Variants in NRXN3 observed in about 807,000 individuals in gnomAD.
NRXN3 encodes the protein neurexin 3, also known as neurexin III.
Under a neutral mutation model 137.6 loss-of-function variants are expected in NRXN3, and 32 were observed. That is an observed-to-expected ratio of 0.23 (90% CI 0.18 to 0.31). NRXN3 has a LOEUF of 0.31. Ranked by LOEUF, NRXN3 falls within the 10% of genes least tolerant of loss-of-function variation. The pLI is 1.00. For synonymous variants in NRXN3, 798 were observed against 784.5 expected (o/e 1.02, Z -0.29); for missense variants, 1,574 against 2,062.5 (o/e 0.76, Z 4.59).
Position 79,828,245 on chromosome 14 carries a change from G to T in NRXN3, c.4093+23055G>T, listed in dbSNP as rs184060496. On this transcript the variant is annotated intron_variant, in intron 20 of 20. Transcript: ENST00000335750. ...ATTCTCCGATCCTGTACTGCTCCTG[G>T]GAGGAAAGGGAGTGGGCTTTGTGAA... 9.9e-5 allele frequency among the ~76,000 whole-genome samples: 15 copies of T among 152,278 alleles called. No individual in the cohort carries two copies. The South Asian group carries it at 1.0e-3, about 11-fold the overall frequency.
chr14:78,969,855 G>GTGTA (rs2099430643), intron 14 of NRXN3, among the ~76,000 whole-genome samples: 1 of 144,980 alleles, frequency 6.9e-6, no homozygotes, highest in African/African-American at 2.6e-5. Flanking sequence ...GTGTGTGTGT[G>GTGTA]TATAAAGGGA....
At chr14:78,307,359 A>G (rs1470082864) in intron 4 of NRXN3, among the ~76,000 whole-genome samples, 1 of 152,138 alleles carries the variant, frequency 6.6e-6, no homozygotes, top group Non-Finnish European at 1.5e-5. Flanking sequence ...GTTTATTTTT[A>G]ATAAATACAT....
intron 1 of NRXN3, among the ~76,000 whole-genome samples, chr14:78,201,622 C>T (rs1050688034): frequency 3.9e-5 from 6 of 152,278 alleles, no homozygotes; most frequent in Middle Eastern, 3.4e-3. Context: ...GGGACTTCTA[C>T]GTCAGAGTGA....
intron 4 of NRXN3, among the ~76,000 whole-genome samples, chr14:78,475,731 G>C (rs1416314996): frequency 1.3e-5 from 2 of 152,192 alleles, no homozygotes; most frequent in African/African-American, 4.8e-5. Context: ...CAGACACAGA[G>C]CCAACAACAT....
chr14:78,780,834 C>G (rs762379837), intron 8 of NRXN3, among the ~76,000 whole-genome samples: 1 of 152,108 alleles, frequency 6.6e-6, no homozygotes, highest in Non-Finnish European at 1.5e-5. Flanking sequence ...GAACTAAGAG[C>G]TCTCATATCT....
chr14:79,148,427 T>A (rs975765215), intron 15 of NRXN3, among the ~76,000 whole-genome samples: 3 of 152,162 alleles, frequency 2.0e-5, no homozygotes, highest in African/African-American at 7.2e-5. Context: ...ATTGTAAGAT[T>A]ATTTCAGACT....
intron 15 of NRXN3, among the ~76,000 whole-genome samples, chr14:79,281,399 A>G (rs1598264493): frequency 6.6e-6 from 1 of 152,088 alleles, no homozygotes; most frequent in Non-Finnish European, 1.5e-5. Context: ...TGAAAATGAT[A>G]CTCAGCTGTT....
intron 15 of NRXN3, among the ~76,000 whole-genome samples, chr14:79,243,909 C>T (rs1378002699): frequency 6.6e-6 from 1 of 152,074 alleles, no homozygotes; most frequent in African/African-American, 2.4e-5. Context: ...AAAATCTGAA[C>T]CCCTGCTCTC....
chr14:78,796,165 C>A (rs2098821083), intron 8 of NRXN3, among the ~76,000 whole-genome samples: 2 of 152,156 alleles, frequency 1.3e-5, no homozygotes, highest in Admixed American at 1.3e-4. Flanking sequence ...AAGCTCTATA[C>A]CAATTGTGGC....
chr14:78,978,528 AGG>A (rs2099477701), intron 14 of NRXN3, among the ~76,000 whole-genome samples: 1 of 151,984 alleles, frequency 6.6e-6, no homozygotes, highest in Non-Finnish European at 1.5e-5. Context: ...AGAAAAGCCA[AGG>A]GGACTCAACA....
At chr14:79,695,633 T>C (rs1005241520) in intron 18 of NRXN3, among the ~76,000 whole-genome samples, 6 of 132,428 alleles carry the variant, frequency 4.5e-5, no homozygotes, top group African/African-American at 1.2e-4. Context: ...GCTCAGGGCT[T>C]CCAGAAAAAA....
chr14:78,266,273 C>G (rs2071685076), intron 2 of NRXN3, among the ~76,000 whole-genome samples: 1 of 152,004 alleles, frequency 6.6e-6, no homozygotes. Context: ...TTTAGGGACT[C>G]TCTCTCCTCT....
chr14:78,759,862 C>G (rs2098685890), intron 8 of NRXN3, among the ~76,000 whole-genome samples: 1 of 152,030 alleles, frequency 6.6e-6, no homozygotes, highest in Admixed American at 6.5e-5. Context: ...TACTTTCTGT[C>G]AGCTTTTGAC....
chr14:78,594,398 A>G (rs2097142533), intron 4 of NRXN3, among the ~76,000 whole-genome samples: 1 of 152,146 alleles, frequency 6.6e-6, no homozygotes, highest in Non-Finnish European at 1.5e-5. Flanking sequence ...AAATGCCACT[A>G]CAATTCTGAT....
At chr14:78,992,919 AG>A (rs1200012155) in intron 15 of NRXN3, among the ~76,000 whole-genome samples, 7 of 152,080 alleles carry the variant, frequency 4.6e-5, no homozygotes, top group Non-Finnish European at 1.0e-4. Flanking sequence ...TGTGGGGTGA[AG>A]TAAAGGGAAT....
chr14:78,465,808 C>T (rs553654144), intron 4 of NRXN3, among the ~76,000 whole-genome samples: 1 of 149,910 alleles, frequency 6.7e-6, no homozygotes, highest in Admixed American at 6.7e-5. Context: ...GCTGGGATTA[C>T]AGGCGTGAGC....
At chr14:79,241,464 G>C (rs960457117) in intron 15 of NRXN3, among the ~76,000 whole-genome samples, 2 of 152,138 alleles carry the variant, frequency 1.3e-5, no homozygotes, top group Non-Finnish European at 2.9e-5. Flanking sequence ...ATGGCGGCAG[G>C]CAAGAGAACT....
chr14:78,582,724 C>T (rs970303375), intron 4 of NRXN3, among the ~76,000 whole-genome samples: 7 of 152,120 alleles, frequency 4.6e-5, no homozygotes, highest in Non-Finnish European at 8.8e-5. Context: ...AATTTGTTTT[C>T]GTTGTAAATT....
intron 17 of NRXN3, among the ~76,000 whole-genome samples, chr14:79,681,209 A>G (rs1235147236): frequency 1.3e-5 from 2 of 152,174 alleles, no homozygotes; most frequent in East Asian, 1.9e-4. Context: ...ACTCCTTTGA[A>G]TCTGGAGACT....
Sources: allele counts gnomAD v4.1 joint callset (sites outside exome capture counted in the v4.1 genomes callset), GRCh38; gene constraint gnomAD v4.1.1; transcripts MANE v1.5; gene names NCBI Gene and HGNC (gene_info 2026-07-23, HGNC 2026-07-21).